Variants in SMIM13 observed in about 807,000 individuals in gnomAD.
SMIM13 encodes the protein UPF0766 protein C6orf228.
A neutral mutation model predicts 5.9 loss-of-function variants in SMIM13; 3 were observed. The observed-to-expected ratio is 0.51, with a 90% confidence interval of 0.23 to 1.31. The LOEUF (loss-of-function observed/expected upper bound fraction) is 1.31. SMIM13 is among the 40% of genes most tolerant of loss of function. The pLI is 0.18. For missense variants in SMIM13, 85 were observed against 109.9 expected (o/e 0.77, Z 1.01); for synonymous variants, 55 against 46.0 (o/e 1.19, Z -0.79).
chr6:11,109,227 A>G (rs1033063295), intron 1 of SMIM13, among the ~76,000 whole-genome samples: 3 of 152,232 alleles, frequency 2.0e-5, no homozygotes, highest in Non-Finnish European at 4.4e-5. Flanking sequence ...TGTTAAGCCC[A>G]GTTTATAAAA....
chr6:11,111,536 CA>C (rs761614951), intron 1 of SMIM13: 1 of 152,788 alleles, frequency 6.5e-6, no homozygotes, highest in East Asian at 1.9e-4. Context: ...AGAGAGCAGC[CA>C]GGGGGAGCAG....
At chr6:11,107,831 C>A (rs1758109755) in intron 1 of SMIM13, among the ~76,000 whole-genome samples, 1 of 152,176 alleles carries the variant, frequency 6.6e-6, no homozygotes, top group Non-Finnish European at 1.5e-5. Flanking sequence ...TGAAATTTTT[C>A]AGTCAGAAGC....
At chr6:11,097,838 C>T (rs1757944810) in intron 1 of SMIM13, among the ~76,000 whole-genome samples, 1 of 152,104 alleles carries the variant, frequency 6.6e-6, no homozygotes, top group Non-Finnish European at 1.5e-5. Context: ...GTTGTTTTTA[C>T]CCTTCTAGCG....
chr6:11,096,910 C>T (rs1466002330), intron 1 of SMIM13, among the ~76,000 whole-genome samples: 1 of 152,144 alleles, frequency 6.6e-6, no homozygotes, highest in African/African-American at 2.4e-5. Flanking sequence ...AGGTTGGTCT[C>T]GAACTCCCAA....
intron 1 of SMIM13, among the ~76,000 whole-genome samples, chr6:11,131,627 AT>A (rs1268260109): frequency 6.6e-6 from 1 of 152,176 alleles, no homozygotes; most frequent in Non-Finnish European, 1.5e-5. Flanking sequence ...AAACTGTAAC[AT>A]TTATGGCCAA....
intron 1 of SMIM13, among the ~76,000 whole-genome samples, chr6:11,098,130 T>C (rs1035363989): frequency 2.0e-5 from 3 of 152,208 alleles, no homozygotes; most frequent in African/African-American, 7.2e-5. Flanking sequence ...CCTAGGAATT[T>C]ATGTAGTTTT....
intron 1 of SMIM13, among the ~76,000 whole-genome samples, chr6:11,097,327 A>C (rs796621583): frequency 6.6e-6 from 1 of 151,960 alleles, no homozygotes; most frequent in Non-Finnish European, 1.5e-5. Context: ...TCCTCACCCT[A>C]TGACTTTATT....
intron 1 of SMIM13, among the ~76,000 whole-genome samples, chr6:11,126,271 A>T (rs1758375465): frequency 6.6e-6 from 1 of 152,152 alleles, no homozygotes; most frequent in Non-Finnish European, 1.5e-5. Flanking sequence ...GCTGGTCTCA[A>T]ACTCCTGACC....
intron 1 of SMIM13, 37 bp downstream of exon 1, chr6:11,094,426 G>T: frequency 6.7e-7 from 1 of 1,488,020 alleles, no homozygotes; most frequent in East Asian, 2.5e-5. Context: ...AGTTCCACAC[G>T]CCGGGTCGCT....
At position 11,103,399 on chromosome 6, in the gene SMIM13, AG is replaced by A. The variant is rs145337782; in HGVS notation, c.76+9015del. 2.8e-3 allele frequency: 919 copies of A among 334,040 alleles called. 13 individuals carry two copies. The highest frequency in any genetic ancestry group is 0.018 in the African/African-American group (846 of 48,230). 20.7% of individuals were successfully genotyped at this position (334,040 alleles called of 1,614,324 possible). A position where few individuals can be genotyped will look rare whatever the true frequency, so the allele number is the denominator to read the frequency against. On this transcript the variant is annotated intron_variant, in intron 1 of 1. Transcript: ENST00000416247. ...TGATGGTTGCCTGACATTCCTGGTGAGGGGGCCCTCCCCTGCCCTGCTCATG... is the reference window on the plus strand; with the variant it reads ...TGATGGTTGCCTGACATTCCTGGTGAGGGGCCCTCCCCTGCCCTGCTCATG...
chr6:11,099,135 T>C (rs1004667932), intron 1 of SMIM13, among the ~76,000 whole-genome samples: 2 of 152,148 alleles, frequency 1.3e-5, no homozygotes, highest in Admixed American at 1.3e-4. Flanking sequence ...AAAATTTGTT[T>C]CTCTAACTCT....
rs189624011 is a variant in SMIM13 at position 11,122,454 on chromosome 6, G to C, written c.77-11949G>C. Among the ~76,000 whole-genome samples the C allele has an allele frequency of 1.1e-4, 17 of 152,322 alleles. No homozygotes were observed. In the East Asian group the frequency reaches 2.3e-3, roughly 21 times the overall value. On this transcript the variant is annotated intron_variant, in intron 1 of 1. Coordinates refer to ENST00000416247, the MANE Select transcript of SMIM13 (RefSeq NM_001135575.2). ...CTTTGAGTGGTTCCTCTGCCCTAGA[G>C]GTGGAGGACTTTTTGCAGTGTGGAC... is the stretch of plus-strand genomic sequence containing the variant.
In SMIM13 at chr6:11,136,352, G is replaced by A. The variant is rs1348847265; in HGVS notation, c.*1750G>A. The stretch of plus-strand genomic sequence containing the variant: ...GAATTAAACAACCTTCCTGTTTAGT[G>A]TTACCTGCTTTGTACAAGAATGAAG... On this transcript the variant is annotated 3_prime_UTR_variant, in exon 2 of 2. Transcript: ENST00000416247. 6.6e-6 allele frequency: 1 copy of A among 152,174 alleles called. No homozygotes were observed. The highest frequency in any genetic ancestry group is 2.1e-4 in the South Asian group (1 of 4,832). The allele number at this position is 152,174 out of a possible 1,614,324, so 9.4% of individuals were successfully genotyped here. A position where few individuals can be genotyped will look rare whatever the true frequency, so the allele number is the denominator to read the frequency against.
intron 1 of SMIM13, among the ~76,000 whole-genome samples, chr6:11,098,050 T>C (rs899719074): frequency 1.3e-5 from 2 of 152,200 alleles, no homozygotes; most frequent in Admixed American, 1.3e-4. Context: ...GTCTCCTGTT[T>C]TCTTATTTCA....
At chr6:11,113,899 T>C (rs1235630261) in intron 1 of SMIM13, among the ~76,000 whole-genome samples, 7 of 151,738 alleles carry the variant, frequency 4.6e-5, no homozygotes, top group Non-Finnish European at 8.8e-5. Flanking sequence ...TTAAATGTCA[T>C]TTGTTTTGTG....
intron 1 of SMIM13, among the ~76,000 whole-genome samples, chr6:11,124,504 G>A (rs1057204318): frequency 7.9e-5 from 12 of 152,006 alleles, no homozygotes; most frequent in Non-Finnish European, 1.8e-4. Flanking sequence ...TTTTTAGGGG[G>A]GTAGGTGGGG....
chr6:11,118,219 G>GT (rs1758266657), intron 1 of SMIM13, among the ~76,000 whole-genome samples: 1 of 151,782 alleles, frequency 6.6e-6, no homozygotes, highest in African/African-American at 2.4e-5. Context: ...CAAAAGGAAT[G>GT]TTTTTTTCTG....
intron 1 of SMIM13, among the ~76,000 whole-genome samples, chr6:11,131,213 T>C (rs1229896029): frequency 6.6e-6 from 1 of 152,186 alleles, no homozygotes; most frequent in Non-Finnish European, 1.5e-5. Context: ...TTACAAAATA[T>C]AAGTCTACAG....
chr6:11,105,587 T>A (rs746306907), intron 1 of SMIM13: 46 of 387,608 alleles, frequency 1.2e-4, no homozygotes, highest in Non-Finnish European at 1.9e-4. Flanking sequence ...ACAGCTTCAC[T>A]TGGGTGTGAT....
Sources: gnomAD v4.1 joint callset for allele counts (sites outside exome capture counted in the v4.1 genomes callset) on GRCh38, gnomAD v4.1.1 for gene constraint, MANE v1.5 for transcripts, NCBI Gene and HGNC (gene_info 2026-07-23, HGNC 2026-07-21) for gene names.